The following HHLA1 variants were observed in gnomAD, a reference collection of about 807,000 sequenced individuals.
HHLA1 encodes the protein HHLA1 neighbor of OC90.
In HHLA1, 72 loss-of-function variants were observed where a neutral mutation model predicts 69.9. That is an observed-to-expected ratio of 1.03 (90% confidence interval 0.85 to 1.25). The LOEUF (loss-of-function observed/expected upper bound fraction) is 1.25. Among genes scored for constraint, HHLA1 ranks in the 50% most tolerant of loss-of-function variants. HHLA1 has a pLI of 0.00. For synonymous variants in HHLA1, 252 were observed against 233.2 expected (o/e 1.08, Z -0.73); for missense variants, 685 against 642.2 (o/e 1.07, Z -0.72).
chr8:132,100,894 A>C (rs1192518879), intron 3 of HHLA1, among the ~76,000 whole-genome samples: 5 of 152,218 alleles, frequency 3.3e-5, no homozygotes, highest in Non-Finnish European at 7.3e-5. Context: ...ATGCTATAGA[A>C]TCACACTGCA....
chr8:132,089,453 C>T, intron 8 of HHLA1, 63 bp downstream of exon 8: 9 of 874,828 alleles, frequency 1.0e-5, no homozygotes, highest in Admixed American at 2.0e-5. Flanking sequence ...TAATATGCTT[C>T]ATTATCTACC....
chr8:132,099,955 TC>T, intron 4 of HHLA1, 119 bp downstream of exon 4: 1 of 694,344 alleles, frequency 1.4e-6, no homozygotes, highest in Non-Finnish European at 2.6e-6. Flanking sequence ...TACTTAATGA[TC>T]AGATAATGAT....
At chr8:132,073,999 A>G (rs1365197239) in intron 14 of HHLA1, among the ~76,000 whole-genome samples, 1 of 152,168 alleles carries the variant, frequency 6.6e-6, no homozygotes, top group African/African-American at 2.4e-5. Context: ...TTTCTGCAAC[A>G]CAAATCTGAT....
chr8:132,109,432 T>C (rs1413482482), intron 1 of HHLA1, among the ~76,000 whole-genome samples: 1 of 68,654 alleles, frequency 1.5e-5, no homozygotes, highest in Admixed American at 1.7e-4. Flanking sequence ...TATAAGCATA[T>C]GAAAAAAAAC....
chr8:132,081,117 G>A (rs1235213623), intron 10 of HHLA1: 2 of 149,860 alleles, frequency 1.3e-5, no homozygotes, highest in African/African-American at 4.9e-5. Context: ...GCAGTTTGGG[G>A]ATAGCACCAG....
In HHLA1 at chr8:132,104,134, T is replaced by C; in HGVS notation, c.113A>G (p.Lys38Arg). 6.4e-7 allele frequency: 1 copy of C among 1,551,246 alleles called. No individual in the cohort carries two copies. The highest frequency in any genetic ancestry group is 8.7e-7 in the Non-Finnish European group (1 of 1,146,582). ...TGTTGTAGGTAAAAAGGTCATTCCC[T>C]TCTCTTTCTTGGCTTCTCCTTTGAT... ...SGIKGEAKKE[K>R]GMTFLPTTVS... Residue 38 changes from lysine to arginine, a missense_variant, in exon 3 of 17, where the codon AAG becomes AGG. Lys to Arg is a conservative substitution (Grantham distance 26). Transcript: ENST00000414222.
rs941904214 is a variant in HHLA1, at chr8:132,071,259, C to T, written c.1469+81G>A. 5 of 1,297,230 alleles carry T rather than the reference C, an allele frequency of 3.9e-6. No individual in the cohort carries two copies. In the African/African-American group the frequency reaches 4.4e-5, roughly 12 times the overall value. The allele number at this position is 1,297,230 out of a possible 1,614,324, so 80.4% of individuals were successfully genotyped here. A position where few individuals can be genotyped will look rare whatever the true frequency, so the allele number is the denominator to read the frequency against. ...CTGTGGATTGCTTATTGCCTGACTG[C>T]CTTGTGGCCTGCAGAAAAGCCACAC... On this transcript the variant is annotated intron_variant, in intron 15 of 16. Transcript: ENST00000414222.
At chr8:132,094,123 A>C (rs1030181195) in intron 7 of HHLA1, among the ~76,000 whole-genome samples, 1 of 152,228 alleles carries the variant, frequency 6.6e-6, no homozygotes, top group African/African-American at 2.4e-5. Flanking sequence ...AGTGGCTAAG[A>C]GAATGCTTGC....
intron 10 of HHLA1, among the ~76,000 whole-genome samples, chr8:132,086,517 C>A (rs1823866451): frequency 6.6e-6 from 1 of 152,218 alleles, no homozygotes; most frequent in South Asian, 2.1e-4. Context: ...TGCTTTCAGG[C>A]ACATCAACTT....
intron 5 of HHLA1, among the ~76,000 whole-genome samples, chr8:132,098,279 A>C (rs1008031146): frequency 6.6e-6 from 1 of 152,234 alleles, no homozygotes; most frequent in Non-Finnish European, 1.5e-5. Flanking sequence ...GATTACAATA[A>C]TATTGTCTTA....
intron 4 of HHLA1, among the ~76,000 whole-genome samples, chr8:132,099,782 A>C (rs1399602839): frequency 6.6e-6 from 1 of 152,070 alleles, no homozygotes; most frequent in Admixed American, 6.6e-5. Context: ...TGAGCCTGGG[A>C]GGCGGAGGTT....
chr8:132,081,912 T>C (rs1253059214), intron 10 of HHLA1, among the ~76,000 whole-genome samples: 1 of 152,170 alleles, frequency 6.6e-6, no homozygotes, highest in African/African-American at 2.4e-5. Flanking sequence ...AGAGGTGGGC[T>C]AGTGGCTTGT....
Position 132,063,007 on chromosome 8 carries a change from T to G in HHLA1, c.*988A>C, listed in dbSNP as rs1823378845. 1 of 152,186 alleles carries G rather than the reference T, an allele frequency of 6.6e-6. No individual in the cohort carries two copies. Among genetic ancestry groups the G allele is most frequent in the African/African-American group, 2.4e-5 (1 of 41,426 alleles). The allele number at this position is 152,186 out of a possible 1,614,324, so 9.4% of individuals were successfully genotyped here. ...GGGACTGGAGACTGAATAACTAAGTTTAGCCATGCAGGCCATGAAGGCACT... is the reference window on the plus strand; with the variant it reads ...GGGACTGGAGACTGAATAACTAAGTGTAGCCATGCAGGCCATGAAGGCACT... On this transcript the variant is annotated 3_prime_UTR_variant, in exon 17 of 17. Transcript: ENST00000414222.
chr8:132,108,239 A>G (rs566484192), intron 1 of HHLA1, among the ~76,000 whole-genome samples: 2 of 152,366 alleles, frequency 1.3e-5, no homozygotes, highest in South Asian at 4.1e-4. Flanking sequence ...TCTGGCATGG[A>G]GCAAGTGCTA....
At chr8:132,075,194 C>T (rs1191000803) in intron 14 of HHLA1, among the ~76,000 whole-genome samples, 2 of 152,088 alleles carry the variant, frequency 1.3e-5, no homozygotes, top group African/African-American at 4.8e-5. Context: ...AAGGCTGGGG[C>T]AGATCTAAGG....
At chr8:132,081,773 G>A (rs540826889) in intron 10 of HHLA1, among the ~76,000 whole-genome samples, 3 of 152,154 alleles carry the variant, frequency 2.0e-5, no homozygotes, top group Admixed American at 2.0e-4. Flanking sequence ...GCAAATCCTC[G>A]AGCTTCATGT....
At chr8:132,082,468 TG>T (rs1355918919) in intron 10 of HHLA1, among the ~76,000 whole-genome samples, 6 of 152,094 alleles carry the variant, frequency 3.9e-5, no homozygotes, top group Non-Finnish European at 8.8e-5. Flanking sequence ...TAGAAGATGC[TG>T]GGGTTTGAGA....
At chr8:132,084,491 T>G (rs1239425192) in intron 10 of HHLA1, among the ~76,000 whole-genome samples, 1 of 152,160 alleles carries the variant, frequency 6.6e-6, no homozygotes, top group African/African-American at 2.4e-5. Context: ...TCAGACAGTT[T>G]GCCTATTTTA....
intron 10 of HHLA1, among the ~76,000 whole-genome samples, chr8:132,087,353 C>A (rs1265681555): frequency 4.6e-5 from 7 of 151,984 alleles, no homozygotes; most frequent in African/African-American, 1.7e-4. Flanking sequence ...AAGTGGAAGG[C>A]AACAGGGGGC....
Sources: gnomAD v4.1 joint callset for allele counts (sites outside exome capture counted in the v4.1 genomes callset) on GRCh38, gnomAD v4.1.1 for gene constraint, MANE v1.5 for transcripts, NCBI Gene and HGNC (gene_info 2026-07-23, HGNC 2026-07-21) for gene names.